The following TBL3 variants were observed in gnomAD, a reference collection of about 807,000 sequenced individuals.
TBL3 encodes transducin beta like 3.
In TBL3, 71 loss-of-function variants were observed where a neutral mutation model predicts 102.7. The ratio of observed to expected loss-of-function variants is 0.69; its 90% CI spans 0.57 to 0.84. TBL3 has a LOEUF of 0.84. Ranked by LOEUF, TBL3 falls within the 40% of genes least tolerant of loss-of-function variation. The pLI is 0.00. For synonymous variants in TBL3, 578 were observed against 477.7 expected (o/e 1.21, Z -2.74); for missense variants, 1,188 against 1,098.5 (o/e 1.08, Z -1.15).
In TBL3 at chr16:1,980,436, C is replaced by T. The variant is rs1224032349; in HGVS notation, c.*1751C>T. 10 of 1,602,304 alleles carry T rather than the reference C, an allele frequency of 6.2e-6. No homozygotes were observed. Among genetic ancestry groups the T allele is most frequent in the South Asian group, 1.1e-5 (1 of 91,070 alleles). ...GAAGAAGCCAGTGATCGTCGGGCTC[C>T]GTGCCACGCGCTCTGCAGTCGCCAG... On this transcript the variant is annotated 3_prime_UTR_variant, in exon 22 of 22. Coordinates refer to ENST00000568546, the MANE Select transcript of TBL3 (RefSeq NM_006453.3).
intron 1 of TBL3, among the ~76,000 whole-genome samples, chr16:1,973,167 C>T (rs1173749144): frequency 6.6e-6 from 1 of 151,994 alleles, no homozygotes; most frequent in African/African-American, 2.4e-5. Context: ...GGAGGCCGGG[C>T]GCGGTGGCTC....
rs772928934 is a variant in TBL3, at chr16:1,976,111, C to T, written c.1185C>T (p.Ala395=). 1 of 1,614,144 alleles carries T rather than the reference C, an allele frequency of 6.2e-7. No individual in the cohort carries two copies. Among genetic ancestry groups the T allele is most frequent in the South Asian group, 1.1e-5 (1 of 91,078 alleles). The part of the protein sequence containing the change: ...FRKGWLFASC[A]KDQSVRIWRM... The stretch of plus-strand genomic sequence containing the variant: ...AGGGGTGGCTCTTTGCCAGCTGTGC[C>T]AAGGTGAGGCACCCTGAGAGGTAGG... The change falls in exon 12 of 22, where the codon GCC becomes GCT. Residue 395 remains alanine (A), a synonymous_variant. Transcript: ENST00000568546.
chr16:1,974,217 C>A lies in TBL3; in HGVS notation c.114C>A (p.His38Gln), dbSNP rs1476242588. ...CCCAGCTGGACCAGACTGGCCAGCA[C>A]CTCTTCTGCGTCTGTGGCACCAGAG... Reference protein sequence around the residue: ...GKAQLDQTGQHLFCVCGTRVN... With the variant: ...GKAQLDQTGQQLFCVCGTRVN... The change falls in exon 3 of 22, where the codon CAC becomes CAA. Residue 38 changes from histidine to glutamine, a missense_variant. His to Gln is a conservative substitution (Grantham distance 24). Coordinates refer to ENST00000568546, the MANE Select transcript of TBL3 (RefSeq NM_006453.3). 6.2e-7 allele frequency: 1 copy of A among 1,600,866 alleles called. No individual in the cohort carries two copies. The highest frequency in any genetic ancestry group is 8.5e-7 in the Non-Finnish European group (1 of 1,172,522).
Position 1,976,807 on chromosome 16 carries a change from G to A in TBL3, c.1293-7G>A. 1 of 1,613,004 alleles carries A rather than the reference G, an allele frequency of 6.2e-7. No homozygotes were observed. The highest frequency in any genetic ancestry group is 8.5e-7 in the Non-Finnish European group (1 of 1,179,932). The stretch of plus-strand genomic sequence containing the variant: ...GCTGTGTCTCCTCCTCTCCTGTTGG[G>A]TCACAGGCTGAAGGAGTCCTTCCTG... On this transcript the variant is annotated splice_polypyrimidine_tract_variant and splice_region_variant and intron_variant, in intron 13 of 21. Transcript: ENST00000568546.
chr16:1,975,560 G>A lies in TBL3; in HGVS notation c.837G>A (p.Gly279=), dbSNP rs1392304819. 3 of 1,598,300 alleles carry A rather than the reference G, an allele frequency of 1.9e-6. No homozygotes were observed. Among genetic ancestry groups the A allele is most frequent in the East Asian group, 4.5e-5 (2 of 44,834 alleles). ...TGCGCGTGTGGGAGGCAGCTTCTGG[G>A]CAGTGTGTGTACACGCAGGCCCAGC... ...GTLRVWEAAS[G]QCVYTQAQPP... is the part of the protein sequence containing the mutation. The change falls in exon 10 of 22, where the codon GGG becomes GGA. Residue 279 remains glycine (G), a synonymous_variant. Transcript: ENST00000568546.
rs1278133396 is a variant in TBL3, at chr16:1,980,562, A to C, written c.*1877A>C. 1.9e-6 allele frequency: 3 copies of C among 1,598,176 alleles called. No homozygotes were observed. The highest frequency in any genetic ancestry group is 2.6e-6 in the Non-Finnish European group (3 of 1,172,064). ...TGGTGCATCTTAAGGCACCACAAAA[A>C]CGTACTGTGATACGCCGCTTTGGGC... is the stretch of plus-strand genomic sequence containing the variant. On this transcript the variant is annotated 3_prime_UTR_variant, in exon 22 of 22. Coordinates refer to ENST00000568546, the MANE Select transcript of TBL3 (RefSeq NM_006453.3).
chr16:1,974,152 C>CA, intron 2 of TBL3, 45 bp downstream of exon 2: 1 of 1,564,340 alleles, frequency 6.4e-7, no homozygotes, highest in Non-Finnish European at 8.7e-7. Flanking sequence ...CCAGAGGCCG[C>CA]GGGGGGTGCT....
At position 1,979,476 on chromosome 16, in the gene TBL3, C is replaced by G. The variant is rs2083452719; in HGVS notation, c.*791C>G. 2.5e-6 allele frequency: 4 copies of G among 1,611,790 alleles called. No individual in the cohort carries two copies. The highest frequency in any genetic ancestry group is 3.4e-6 in the Non-Finnish European group (4 of 1,179,568). On this transcript the variant is annotated 3_prime_UTR_variant, in exon 22 of 22. Transcript: ENST00000568546. ...CGTTTCCAACACGCGCACGCGCGCC[C>G]CCGCGGGCACGGACAGCTCATCTGC...
Position 1,974,296 on chromosome 16 carries a change from A to G in TBL3, c.189+4A>G, listed in dbSNP as rs1396830013. ...CGTGCTGCGGAGTCTGGAGCAGGTG[A>G]GGGCAGCCTGGGTGGGTGAGGGGCA... On this transcript the variant is annotated splice_donor_region_variant and intron_variant, in intron 3 of 21. Transcript: ENST00000568546. 1.3e-6 allele frequency: 2 copies of G among 1,587,310 alleles called. No homozygotes were observed. The highest frequency in any genetic ancestry group is 1.7e-6 in the Non-Finnish European group (2 of 1,164,420).
chr16:1,981,919 G>T lies in TBL3; in HGVS notation c.*3234G>T, dbSNP rs985502316. 1 of 152,224 alleles carries T rather than the reference G, an allele frequency of 6.6e-6. No individual in the cohort carries two copies. Among genetic ancestry groups the T allele is most frequent in the Non-Finnish European group, 1.5e-5 (1 of 68,070 alleles). 9.4% of individuals were successfully genotyped at this position (152,224 alleles called of 1,614,324 possible). ...ATCTGTGCAGTCACTGGCATTTGGT[G>T]GGTGGGGGTGGTGGTCAGGGAAGTG... On this transcript the variant is annotated 3_prime_UTR_variant, in exon 22 of 22. Transcript: ENST00000568546.
At position 1,979,095 on chromosome 16, in the gene TBL3, C is replaced by T. The variant is rs749101315; in HGVS notation, c.*410C>T. ...GTGCGGCACAGAGTCCACGCACCCT[C>T]GAGGGCGGCCCTGGCGCCGTGGGCG... On this transcript the variant is annotated 3_prime_UTR_variant, in exon 22 of 22. Coordinates refer to ENST00000568546, the MANE Select transcript of TBL3 (RefSeq NM_006453.3). 1.3e-6 allele frequency: 2 copies of T among 1,507,256 alleles called. No homozygotes were observed. Among genetic ancestry groups the T allele is most frequent in the Admixed American group, 2.4e-5 (1 of 40,954 alleles). 93.4% of individuals were successfully genotyped at this position (1,507,256 alleles called of 1,614,324 possible).
chr16:1,973,469 G>A (rs1217203131), intron 1 of TBL3, among the ~76,000 whole-genome samples: 2 of 152,184 alleles, frequency 1.3e-5, no homozygotes, highest in Non-Finnish European at 2.9e-5. Flanking sequence ...AAAGAGGTAG[G>A]TAGGGGGTCC....
Position 1,975,363 on chromosome 16 carries a change from C to T in TBL3, c.730C>T (p.Leu244=). The change falls in exon 9 of 22, where the codon CTG becomes TTG. Residue 244 remains leucine (L), a synonymous_variant. Transcript: ENST00000568546. ...PVFESVEAAV[L]LPEEPVSQLG... is the part of the protein sequence containing the mutation. ...TCTCCAGAGCGTGGAGGCTGCTGTG[C>T]TGTTGCCAGAGGAGCCAGTGTCCCA... is the stretch of plus-strand genomic sequence containing the variant. The T allele has an allele frequency of 6.2e-7, 1 of 1,614,004 alleles. No individual in the cohort carries two copies. The highest frequency in any genetic ancestry group is 1.1e-5 in the South Asian group (1 of 91,086).
chr16:1,979,431 A>G lies in TBL3; in HGVS notation c.*746A>G. On this transcript the variant is annotated 3_prime_UTR_variant, in exon 22 of 22. Transcript: ENST00000568546. ...CACGCCCGCTCCCGCGTACCTGCAT[A>G]GCCACCAGCCGCGGTCTGACGTTTC... 6.2e-7 allele frequency: 1 copy of G among 1,608,852 alleles called. No individual in the cohort carries two copies. The highest frequency in any genetic ancestry group is 8.5e-7 in the Non-Finnish European group (1 of 1,178,950).
Position 1,976,249 on chromosome 16 carries a change from C to T in TBL3, c.1227C>T (p.Gly409=). ...GTATCTGGAGAATGAACAAGGCTGG[C>T]CAGGTGATGTGCGTGGCTCAGGGTT... is the stretch of plus-strand genomic sequence containing the variant. ...SVRIWRMNKA[G]QVMCVAQGSG... is the part of the protein sequence containing the mutation. Residue 409 remains glycine (G), a synonymous_variant, in exon 13 of 22, where the codon GGC becomes GGT. Transcript: ENST00000568546. 1 of 1,614,182 alleles carries T rather than the reference C, an allele frequency of 6.2e-7. No homozygotes were observed. The highest frequency in any genetic ancestry group is 1.3e-5 in the African/African-American group (1 of 75,078).
rs375159688 is a variant in TBL3 at position 1,973,982 on chromosome 16, G to A, written c.42-74G>A. 2,350 of 1,426,356 alleles carry A rather than the reference G, an allele frequency of 1.6e-3. 31 individuals carry two copies. The African/African-American group carries it at 0.031, about 19-fold the overall frequency. 88.4% of individuals were successfully genotyped at this position (1,426,356 alleles called of 1,614,324 possible). A position where few individuals can be genotyped will look rare whatever the true frequency, so the allele number is the denominator to read the frequency against. ...GGCCATTGGGGTCACTTGGAGAGGA[G>A]CACCTAGCACAGGGCGGGGCCCTGG... On this transcript the variant is annotated intron_variant, in intron 1 of 21. Transcript: ENST00000568546.
At position 1,975,624 on chromosome 16, in the gene TBL3, G is replaced by A. The variant is rs1462509515; in HGVS notation, c.901G>A (p.Ala301Thr). The A allele has an allele frequency of 6.2e-7, 1 of 1,603,254 alleles. No homozygotes were observed. The highest frequency in any genetic ancestry group is 1.3e-5 in the African/African-American group (1 of 75,050). ...PGQELTHCTL[A>T]HTAGVVLTAT... ...GCAGGAGCTGACCCACTGCACCCTG[G>A]CACACACCGCCGGCGTGGTCCTCAC... Residue 301 changes from alanine to threonine, a missense_variant, in exon 10 of 22, where the codon GCA (alanine) becomes ACA (threonine). Physicochemically the swap from Ala to Thr is moderately conservative, Grantham distance 58. Coordinates refer to ENST00000568546, the MANE Select transcript of TBL3 (RefSeq NM_006453.3).
Position 1,978,656 on chromosome 16 carries a change from T to TG in TBL3, c.2401dup (p.Glu801GlyfsTer4). The TG allele has an allele frequency of 6.2e-7, 1 of 1,611,796 alleles. No homozygotes were observed. On this transcript the variant is annotated frameshift_variant, in exon 22 of 22. Transcript: ENST00000568546. LOFTEE classifies it low-confidence loss of function (END_TRUNC). ...TGTGCCGGCCGCCGCCCCCACCCCCTGGGAAACCCATAAAGGCGCACTGCC... is the reference window on the plus strand; with the variant it reads ...TGTGCCGGCCGCCGCCCCCACCCCCTGGGGAAACCCATAAAGGCGCACTGCC...
intron 1 of TBL3, 66 bp downstream of exon 1, chr16:1,972,271 C>T (rs1176959195): frequency 7.0e-6 from 9 of 1,288,348 alleles, no homozygotes; most frequent in Non-Finnish European, 9.0e-6. Flanking sequence ...AGCGGAGGCG[C>T]GCGTGGGGTG....
Sources: gnomAD v4.1 joint callset for allele counts (sites outside exome capture counted in the v4.1 genomes callset) on GRCh38, gnomAD v4.1.1 for gene constraint, MANE v1.5 for transcripts, NCBI Gene and HGNC (gene_info 2026-07-23, HGNC 2026-07-21) for gene names.